The following TVP23A variants were observed in gnomAD, a reference collection of about 807,000 sequenced individuals.
TVP23A encodes trans-golgi network vesicle protein 23 homolog A, also known as Golgi apparatus membrane protein TVP23 homolog A.
In TVP23A, 21 loss-of-function variants were observed where a neutral mutation model predicts 31.7. The ratio of observed to expected loss-of-function variants is 0.66; its 90% CI spans 0.47 to 0.95. The LOEUF is 0.95. Ranked by LOEUF, TVP23A falls within the 40% of genes least tolerant of loss-of-function variation. TVP23A has a pLI of 0.00. For synonymous variants in TVP23A, 104 were observed against 96.0 expected (o/e 1.08, Z -0.49); for missense variants, 279 against 255.6 (o/e 1.09, Z -0.62).
At chr16:10,798,271 TTAAG>T (rs1191007888) in intron 2 of TVP23A, among the ~76,000 whole-genome samples, 3 of 152,158 alleles carry the variant, frequency 2.0e-5, no homozygotes, top group African/African-American at 7.2e-5. Flanking sequence ...TTTTCTTTTT[TTAAG>T]TAATCAGGGA....
At chr16:10,815,250 A>T (rs2034387117) in intron 2 of TVP23A, among the ~76,000 whole-genome samples, 1 of 152,108 alleles carries the variant, frequency 6.6e-6, no homozygotes. Flanking sequence ...AAACAAAACA[A>T]AAAACATAAA....
At chr16:10,802,079 C>T (rs1394724108) in intron 2 of TVP23A, among the ~76,000 whole-genome samples, 1 of 149,612 alleles carries the variant, frequency 6.7e-6, no homozygotes, top group African/African-American at 2.5e-5. Context: ...TACTCTCTAA[C>T]AGTTTAGAGA....
exon 9 of TVP23A, chr16:10,761,449 G>C (rs781115964): frequency 8.7e-6 from 14 of 1,614,116 alleles, no homozygotes; most frequent in Non-Finnish European, 1.2e-5. Flanking sequence ...GAGAACATGA[G>C]TGGCTTCATC....
chr16:10,806,145 C>T (rs2033932783), intron 2 of TVP23A, among the ~76,000 whole-genome samples: 1 of 152,166 alleles, frequency 6.6e-6, no homozygotes, highest in African/African-American at 2.4e-5. Flanking sequence ...GAGTTTGAGA[C>T]CAGCCTGGCC....
At chr16:10,791,241 G>C (rs979052761) in intron 2 of TVP23A, among the ~76,000 whole-genome samples, 4 of 152,142 alleles carry the variant, frequency 2.6e-5, no homozygotes, top group South Asian at 2.1e-4. Context: ...GACATCCTTT[G>C]TCAGACGAAT....
intron 2 of TVP23A, among the ~76,000 whole-genome samples, chr16:10,813,007 C>A (rs1350855712): frequency 6.6e-6 from 1 of 152,148 alleles, no homozygotes; most frequent in East Asian, 1.9e-4. Context: ...TGGAATCACA[C>A]CCTCCACTGA....
intron 2 of TVP23A, among the ~76,000 whole-genome samples, chr16:10,800,016 T>TC (rs2033617311): frequency 7.1e-6 from 1 of 140,746 alleles, no homozygotes; most frequent in South Asian, 2.1e-4. Context: ...TTCTTTTTTT[T>TC]TTTTTTTTTT....
chr16:10,809,914 C>CA lies in TVP23A; in HGVS notation c.89+8188dup, dbSNP rs2034116540. Among the ~76,000 whole-genome samples, 2 of 151,856 alleles carry CA rather than the reference C, an allele frequency of 1.3e-5. 1 individual carries two copies. Among genetic ancestry groups the CA allele is most frequent in the Non-Finnish European group, 2.9e-5 (2 of 67,956 alleles). On this transcript the variant is annotated intron_variant, in intron 2 of 7. Transcript: ENST00000299866. ...CCAAAAGAACCAAAAATGTATGCCC[C>CA]AAAAAAAGCACGTACATAAACATTC...
intron 2 of TVP23A, among the ~76,000 whole-genome samples, chr16:10,781,850 CTTTTTTTT>C (rs144933462): frequency 6.6e-5 from 6 of 90,936 alleles, no homozygotes; most frequent in African/African-American, 3.8e-4. Flanking sequence ...CTAACACAAT[CTTTTTTTT>C]TTTTTTTTTT....
chr16:10,786,858 T>C (rs2032788555), intron 2 of TVP23A, among the ~76,000 whole-genome samples: 1 of 151,982 alleles, frequency 6.6e-6, no homozygotes, highest in Non-Finnish European at 1.5e-5. Context: ...GACTTTGCAT[T>C]GAGGCCAGAT....
chr16:10,770,484 G>C (rs1457840263), intron 6 of TVP23A, among the ~76,000 whole-genome samples, 153 bp from the exon 7 acceptor site: 1 of 151,974 alleles, frequency 6.6e-6, no homozygotes, highest in Admixed American at 6.6e-5. Context: ...TTCAAATTTA[G>C]GACGGTTCTA....
At chr16:10,784,143 G>A (rs564959992) in intron 2 of TVP23A, among the ~76,000 whole-genome samples, 2 of 152,188 alleles carry the variant, frequency 1.3e-5, no homozygotes, top group African/African-American at 2.4e-5. Flanking sequence ...AGACCAGCCT[G>A]GCCAACATGG....
intron 2 of TVP23A, among the ~76,000 whole-genome samples, chr16:10,813,999 CAAAAA>C (rs201277067): frequency 8.1e-5 from 4 of 49,530 alleles, no homozygotes; most frequent in African/African-American, 1.7e-4. Flanking sequence ...AACTCCATCT[CAAAAA>C]AAAAAAAAAA....
chr16:10,760,502 C>G (rs952760370), downstream of TVP23A, among the ~76,000 whole-genome samples: 8 of 152,172 alleles, frequency 5.3e-5, no homozygotes, highest in East Asian at 1.9e-4. Context: ...CCCTAACACT[C>G]TGGGAGGCCG....
chr16:10,790,279 A>ATTTTTTTTTTT (rs376916439), intron 2 of TVP23A, among the ~76,000 whole-genome samples: 1 of 114,536 alleles, frequency 8.7e-6, no homozygotes, highest in African/African-American at 3.3e-5. Context: ...TTGGGGTAAA[A>ATTTTTTTTTTT]TTTTTTTTTT....
downstream of TVP23A, among the ~76,000 whole-genome samples, chr16:10,763,348 G>A (rs905419987): frequency 2.0e-5 from 3 of 152,066 alleles, no homozygotes; most frequent in Non-Finnish European, 4.4e-5. Flanking sequence ...TCGAGGAAGT[G>A]GTAGGGGGGT....
At chr16:10,791,592 G>A (rs771977575) in intron 2 of TVP23A, among the ~76,000 whole-genome samples, 1 of 152,146 alleles carries the variant, frequency 6.6e-6, no homozygotes, top group Non-Finnish European at 1.5e-5. Flanking sequence ...TGTCCAACAT[G>A]GAGGCTCCAT....
intron 2 of TVP23A, among the ~76,000 whole-genome samples, chr16:10,791,179 T>C (rs563939195): frequency 6.6e-6 from 1 of 152,274 alleles, no homozygotes; most frequent in East Asian, 1.9e-4. Flanking sequence ...TAGTCAACAT[T>C]TTTGAGAACG....
In TVP23A at chr16:10,813,071, C is replaced by T. The variant is rs138288553; in HGVS notation, c.89+5032G>A. On this transcript the variant is annotated intron_variant, in intron 2 of 7. Coordinates refer to ENST00000299866, the MANE Select transcript of TVP23A (RefSeq NM_001079512.4). ...CCCCCCACCGCAACACTGCACCTCA[C>T]TGACCTGGAACCAGGGACAGAAAGA... Among the ~76,000 whole-genome samples the T allele has an allele frequency of 1.2e-4, 19 of 152,336 alleles. 1 individual carries two copies. In the East Asian group the frequency reaches 3.7e-3, roughly 29 times the overall value.
Sources: gnomAD v4.1 joint callset for allele counts (sites outside exome capture counted in the v4.1 genomes callset) on GRCh38, gnomAD v4.1.1 for gene constraint, MANE v1.5 for transcripts, NCBI Gene and HGNC (gene_info 2026-07-23, HGNC 2026-07-21) for gene names.